Variants in RALYL observed in about 807,000 individuals in gnomAD.
The protein encoded by RALYL is RNA-binding Raly-like protein.
A neutral mutation model predicts 35.1 loss-of-function variants in RALYL; 29 were observed. The ratio of observed to expected loss-of-function variants is 0.83; its 90% confidence interval spans 0.61 to 1.13. The LOEUF is 1.13. RALYL is among the 50% of genes most tolerant of loss of function. The probability of loss-of-function intolerance (pLI) is 0.00; values close to 1 mark genes in which losing one functional copy is unlikely to be tolerated. For synonymous variants in RALYL, 120 were observed against 127.6 expected, an observed-to-expected ratio of 0.94 and a Z score of 0.40; for missense variants, 359 against 360.4, an observed-to-expected ratio of 1.00 and a Z score of 0.03.
intron 2 of RALYL, among the ~76,000 whole-genome samples, chr8:84,746,413 T>C (rs1322259033): frequency 6.6e-6 from 1 of 151,994 alleles, no homozygotes; most frequent in African/African-American, 2.4e-5. Flanking sequence ...CTCAGATTCA[T>C]GTCAGAAAAT....
intron 4 of RALYL, among the ~76,000 whole-genome samples, chr8:84,826,660 G>T (rs1320125041): frequency 1.3e-5 from 2 of 151,628 alleles, no homozygotes; most frequent in Non-Finnish European, 2.9e-5. Flanking sequence ...AAACTACTAG[G>T]ACCCTTCATC....
intron 1 of RALYL, among the ~76,000 whole-genome samples, chr8:84,377,451 GTTT>G (rs369746268): frequency 8.4e-5 from 7 of 83,722 alleles, no homozygotes; most frequent in Admixed American, 1.4e-4. Flanking sequence ...AAGGTTAACT[GTTT>G]TTTTTTTTTT....
chr8:84,596,689 T>C (rs1814617743), intron 2 of RALYL, among the ~76,000 whole-genome samples: 1 of 152,122 alleles, frequency 6.6e-6, no homozygotes, highest in Non-Finnish European at 1.5e-5. Context: ...TTCAAGCGCC[T>C]GTTAGACACC....
intron 2 of RALYL, among the ~76,000 whole-genome samples, chr8:84,579,679 G>C (rs1485023291): frequency 6.6e-6 from 1 of 152,126 alleles, no homozygotes; most frequent in Non-Finnish European, 1.5e-5. Context: ...AGTTACTTGG[G>C]TTATATAAAT....
At position 84,284,090 on chromosome 8, in the gene RALYL, G is replaced by A. The variant is rs529067331; in HGVS notation, c.-24+99666G>A. 1.5e-4 allele frequency among the ~76,000 whole-genome samples: 23 copies of A among 152,180 alleles called. No individual in the cohort carries two copies. In the South Asian group the frequency reaches 4.2e-3, roughly 28 times the overall value. ...AGATAGAGCAACAAATCAAATAGGCGGACATAGTTGAAATAGTTGACAAAG... is the reference window on the plus strand; with the variant it reads ...AGATAGAGCAACAAATCAAATAGGCAGACATAGTTGAAATAGTTGACAAAG... On this transcript the variant is annotated intron_variant, in intron 1 of 8. Transcript: ENST00000521268.
intron 1 of RALYL, among the ~76,000 whole-genome samples, chr8:84,525,351 T>A (rs2058799340): frequency 6.6e-6 from 1 of 152,198 alleles, no homozygotes. Flanking sequence ...TCTTTGACTG[T>A]TATACACCAT....
intron 2 of RALYL, among the ~76,000 whole-genome samples, chr8:84,557,773 A>G (rs1335576709): frequency 2.6e-5 from 4 of 152,154 alleles, no homozygotes; most frequent in Non-Finnish European, 5.9e-5. Context: ...CTAATGAGAA[A>G]AAAAAAACAA....
In RALYL at chr8:84,442,470, C is replaced by T. The variant is rs531341530; in HGVS notation, c.-23-86829C>T. Among the ~76,000 whole-genome samples, 8 of 152,154 alleles carry T rather than the reference C, an allele frequency of 5.3e-5. No individual in the cohort carries two copies. In the South Asian group the frequency reaches 1.7e-3, roughly 32 times the overall value. ...AACCACCATTTTTGCTTGCCTTCTA[C>T]ATGGGAGGAACTATGAAAGGCTGTG... is the stretch of plus-strand genomic sequence containing the variant. On this transcript the variant is annotated intron_variant, in intron 1 of 8. Coordinates refer to ENST00000521268, the MANE Select transcript of RALYL (RefSeq NM_173848.7).
chr8:84,375,346 A>G (rs1856704230), intron 1 of RALYL, among the ~76,000 whole-genome samples: 1 of 151,824 alleles, frequency 6.6e-6, no homozygotes, highest in Non-Finnish European at 1.5e-5. Context: ...TCCCTAAAGA[A>G]CCATATGATT....
At chr8:84,217,003 A>G (rs1820987105) in intron 1 of RALYL, among the ~76,000 whole-genome samples, 1 of 152,106 alleles carries the variant, frequency 6.6e-6, no homozygotes, top group Admixed American at 6.6e-5. Context: ...ATATGCTGCT[A>G]GCATAGATCA....
intron 1 of RALYL, among the ~76,000 whole-genome samples, chr8:84,511,739 G>T (rs2057640682): frequency 1.3e-5 from 2 of 152,170 alleles, no homozygotes; most frequent in East Asian, 1.9e-4. Context: ...TCCCTGGTAA[G>T]TATCATTCTA....
At chr8:84,803,925 A>C (rs981317777) in intron 3 of RALYL, among the ~76,000 whole-genome samples, 1 of 152,202 alleles carries the variant, frequency 6.6e-6, no homozygotes, top group African/African-American at 2.4e-5. Flanking sequence ...GTTCGCCTAC[A>C]TTTCACCCTT....
chr8:84,564,585 G>A (rs145107215), intron 2 of RALYL, among the ~76,000 whole-genome samples: 204 of 151,640 alleles, frequency 1.3e-3, no homozygotes, highest in Middle Eastern at 3.4e-3. Context: ...TTTCCCATTC[G>A]TAGTTTCTAG....
chr8:84,396,467 CTCAT>C (rs1169954017), intron 1 of RALYL, among the ~76,000 whole-genome samples: 1 of 152,042 alleles, frequency 6.6e-6, no homozygotes, highest in Non-Finnish European at 1.5e-5. Context: ...CATTTATTCA[CTCAT>C]TCATTCATTC....
chr8:84,331,844 A>G (rs1020568397), intron 1 of RALYL, among the ~76,000 whole-genome samples: 4 of 152,102 alleles, frequency 2.6e-5, no homozygotes, highest in African/African-American at 9.7e-5. Flanking sequence ...CATACCTTCT[A>G]CCTATTCTTG....
At chr8:84,310,730 A>AT (rs1842602430) in intron 1 of RALYL, among the ~76,000 whole-genome samples, 1 of 152,150 alleles carries the variant, frequency 6.6e-6, no homozygotes, top group Non-Finnish European at 1.5e-5. Context: ...GCAGAAGTAA[A>AT]TGGCTAATTC....
At chr8:84,567,573 T>A (rs1359716668) in intron 2 of RALYL, among the ~76,000 whole-genome samples, 1 of 151,904 alleles carries the variant, frequency 6.6e-6, no homozygotes, top group African/African-American at 2.4e-5. Flanking sequence ...GGTGTGTATA[T>A]ATACCACATG....
At chr8:84,411,864 G>A (rs2044136098) in intron 1 of RALYL, among the ~76,000 whole-genome samples, 1 of 151,926 alleles carries the variant, frequency 6.6e-6, no homozygotes. Flanking sequence ...GACTTCCTAG[G>A]CTTAAATGTC....
At chr8:84,313,833 C>T (rs1843251714) in intron 1 of RALYL, among the ~76,000 whole-genome samples, 1 of 152,178 alleles carries the variant, frequency 6.6e-6, no homozygotes, top group East Asian at 1.9e-4. Context: ...TTCTTCTGAT[C>T]CCTCCAAACT....
Sources: allele counts gnomAD v4.1 joint callset (sites outside exome capture counted in the v4.1 genomes callset), GRCh38; gene constraint gnomAD v4.1.1; transcripts MANE v1.5; gene names NCBI Gene and HGNC (gene_info 2026-07-23, HGNC 2026-07-21).